TSPAN1: variants seen among roughly 807,000 people sequenced by gnomAD.
The protein encoded by TSPAN1 is tetraspanin-1.
A neutral mutation model predicts 26.9 loss-of-function variants in TSPAN1; 23 were observed. That is an observed-to-expected ratio of 0.85 (90% CI 0.62 to 1.21). The LOEUF (loss-of-function observed/expected upper bound fraction) is 1.21, where lower values mean the gene tolerates loss of function less well. Among genes scored for constraint, TSPAN1 ranks in the 50% most tolerant of loss-of-function variants. TSPAN1 has a pLI of 0.00. For missense variants in TSPAN1, 283 were observed against 298.4 expected, an observed-to-expected ratio of 0.95 and a Z score of 0.38; for synonymous variants, 115 against 114.8, an observed-to-expected ratio of 1.00 and a Z score of -0.01.
At chr1:46,182,688 C>T (rs1447379384) in intron 3 of TSPAN1, among the ~76,000 whole-genome samples, 3 of 152,040 alleles carry the variant, frequency 2.0e-5, no homozygotes, top group Non-Finnish European at 2.9e-5. Flanking sequence ...CCAGCCTGGG[C>T]GACAGAGTTT....
chr1:46,189,456 A>G (rs1299162535), downstream of TSPAN1: 1 of 1,613,588 alleles, frequency 6.2e-7, no homozygotes, highest in South Asian at 1.1e-5. Context: ...AGGGTCACTC[A>G]CGAGTAGGGG....
chr1:46,193,163 T>G, the TSPAN1 span: 1 of 1,614,122 alleles, frequency 6.2e-7, no homozygotes, highest in Non-Finnish European at 8.5e-7. Context: ...AGTTGTATCC[T>G]TAGTACTCAC....
At position 46,185,737 on chromosome 1, in the gene TSPAN1, A is replaced by T; in HGVS notation, c.*204A>T. 1.6e-6 allele frequency: 1 copy of T among 627,230 alleles called. No individual in the cohort carries two copies. The highest frequency in any genetic ancestry group is 2.8e-6 in the Non-Finnish European group (1 of 358,378). 38.9% of individuals were successfully genotyped at this position (627,230 alleles called of 1,614,324 possible). Reference sequence around the variant, plus strand: ...TGACTTTCCTTCCATTGGTGGGTGGATGGGTGGGGGGCATTCCAGAGCCTC... The same window carrying T: ...TGACTTTCCTTCCATTGGTGGGTGGTTGGGTGGGGGGCATTCCAGAGCCTC... On this transcript the variant is annotated 3_prime_UTR_variant, in exon 9 of 9. Transcript: ENST00000372003.
At chr1:46,176,097 G>C (rs1037110749) in intron 1 of TSPAN1, 60 of 976,288 alleles carry the variant, frequency 6.1e-5, no homozygotes, top group Admixed American at 3.3e-4. Context: ...GGATGGTCTC[G>C]ATCTCCTGAC....
At chr1:46,180,857 C>T (rs751884951) in intron 2 of TSPAN1, among the ~76,000 whole-genome samples, 199 bp downstream of exon 2, 5 of 151,776 alleles carry the variant, frequency 3.3e-5, no homozygotes, top group Non-Finnish European at 7.4e-5. Flanking sequence ...GGTGGAGGAA[C>T]CTGGGGTGTT....
chr1:46,195,446 C>T, the TSPAN1 span: 1 of 379,442 alleles, frequency 2.6e-6, no homozygotes, highest in East Asian at 6.5e-5. Flanking sequence ...AATGTCCCCT[C>T]CCCTCTATCA....
chr1:46,176,819 C>A (rs910904284), intron 1 of TSPAN1, among the ~76,000 whole-genome samples: 2 of 152,240 alleles, frequency 1.3e-5, no homozygotes, highest in African/African-American at 2.4e-5. Flanking sequence ...AACGTTATCT[C>A]ATTTAATCTC....
intron 3 of TSPAN1, among the ~76,000 whole-genome samples, chr1:46,183,240 CT>C (rs1474300859): frequency 6.6e-6 from 1 of 152,206 alleles, no homozygotes; most frequent in Non-Finnish European, 1.5e-5. Context: ...TTACCCAGAC[CT>C]TGCCAGGCTG....
At chr1:46,176,971 C>G (rs868160287) in intron 1 of TSPAN1, among the ~76,000 whole-genome samples, 1 of 152,192 alleles carries the variant, frequency 6.6e-6, no homozygotes, top group Non-Finnish European at 1.5e-5. Flanking sequence ...CTGAAACCCT[C>G]TGGTCACAAT....
In TSPAN1 at chr1:46,184,107, G is replaced by A. The variant is rs769769765; in HGVS notation, c.58-84G>A. On this transcript the variant is annotated intron_variant, in intron 3 of 8. Coordinates refer to ENST00000372003, the MANE Select transcript of TSPAN1 (RefSeq NM_005727.4). ...TAGCCAATAAAGAGGGAAGTTTCTC[G>A]GCTCCCATCCTTCTTACTCAGCTGT... The A allele has an allele frequency of 5.0e-5, 73 of 1,448,564 alleles. No individual in the cohort carries two copies. The Middle Eastern group carries it at 6.4e-4, about 13-fold the overall frequency. 89.7% of individuals were successfully genotyped at this position (1,448,564 alleles called of 1,614,324 possible).
chr1:46,189,130 G>T, downstream of TSPAN1: 1 of 1,491,646 alleles, frequency 6.7e-7, no homozygotes, highest in Middle Eastern at 1.9e-4. Flanking sequence ...CCTCCCCTTG[G>T]AGTTAGTAAT....
rs112401991 is a variant in TSPAN1 at position 46,185,167 on chromosome 1, A to G, written c.594+52A>G. On this transcript the variant is annotated intron_variant, in intron 7 of 8. Transcript: ENST00000372003. ...ACTGTTTTCATGGCCTCAGAGTGGC[A>G]AACGGGGATGGGAGTAGGGCAGCTG... is the stretch of plus-strand genomic sequence containing the variant. 5.1e-5 allele frequency: 82 copies of G among 1,614,126 alleles called. 1 individual carries two copies. In the African/African-American group the frequency reaches 7.2e-4, roughly 14 times the overall value.
chr1:46,185,721 T>C lies in TSPAN1; in HGVS notation c.*188T>C. On this transcript the variant is annotated 3_prime_UTR_variant, in exon 9 of 9. Coordinates refer to ENST00000372003, the MANE Select transcript of TSPAN1 (RefSeq NM_005727.4). ...CCTTTTAGGCGATGCCTGACTTTCC[T>C]TCCATTGGTGGGTGGATGGGTGGGG... The C allele has an allele frequency of 3.0e-6, 2 of 660,764 alleles. No individual in the cohort carries two copies. Among genetic ancestry groups the C allele is most frequent in the South Asian group, 3.7e-5 (2 of 54,282 alleles). 40.9% of individuals were successfully genotyped at this position (660,764 alleles called of 1,614,324 possible). A position where few individuals can be genotyped will look rare whatever the true frequency, so the allele number is the denominator to read the frequency against.
chr1:46,188,419 C>G (rs1263631759), downstream of TSPAN1, among the ~76,000 whole-genome samples: 1 of 152,214 alleles, frequency 6.6e-6, no homozygotes, highest in African/African-American at 2.4e-5. Flanking sequence ...AGGAACCCGG[C>G]TGGTGGTTAA....
At chr1:46,181,377 G>A (rs1439308863) in intron 3 of TSPAN1, among the ~76,000 whole-genome samples, 3 of 152,142 alleles carry the variant, frequency 2.0e-5, no homozygotes, top group Non-Finnish European at 4.4e-5. Context: ...GTGAAAAAGG[G>A]GATGGAGAAG....
the TSPAN1 span, among the ~76,000 whole-genome samples, chr1:46,196,297 A>G: frequency 6.6e-6 from 1 of 152,130 alleles, no homozygotes; most frequent in Non-Finnish European, 1.5e-5. The surrounding 1 kb of genome is among the most constrained non-coding windows in gnomAD (Gnocchi z 4.4). Context: ...CCTCCCCTCC[A>G]TGACTTTCAT....
At chr1:46,182,195 G>A (rs1015457106) in intron 3 of TSPAN1, among the ~76,000 whole-genome samples, 2 of 151,142 alleles carry the variant, frequency 1.3e-5, no homozygotes, top group Non-Finnish European at 2.9e-5. Context: ...ATTGGAGCTG[G>A]CCATGGGTAT....
chr1:46,186,960 C>A (rs1261388060), downstream of TSPAN1, among the ~76,000 whole-genome samples: 1 of 152,180 alleles, frequency 6.6e-6, no homozygotes, highest in Non-Finnish European at 1.5e-5. Flanking sequence ...CCGTGCCCGG[C>A]CACGCCCGGC....
rs146559665 is a variant in TSPAN1 at position 46,184,989 on chromosome 1, G to A, written c.468G>A (p.Thr156=). Reference sequence around the variant, plus strand: ...AGTGCTGTGGCTTCACCAACTATACGGATTTTGAGGACTCACCCTACTTCA... The same window carrying A: ...AGTGCTGTGGCTTCACCAACTATACAGATTTTGAGGACTCACCCTACTTCA... ...GLKCCGFTNY[T]DFEDSPYFKE... The change falls in exon 7 of 9, where the codon ACG becomes ACA. Residue 156 remains threonine (T), a synonymous_variant. Transcript: ENST00000372003. 4.8e-5 allele frequency: 77 copies of A among 1,614,000 alleles called. No individual in the cohort carries two copies. In the African/African-American group the frequency reaches 6.4e-4, roughly 13 times the overall value.
Sources: allele counts gnomAD v4.1 joint callset (sites outside exome capture counted in the v4.1 genomes callset), GRCh38; gene constraint gnomAD v4.1.1; non-coding constraint Gnocchi (gnomAD v3.1); transcripts MANE v1.5; gene names NCBI Gene and HGNC (gene_info 2026-07-23, HGNC 2026-07-21).